The following RBFOX1 variants were observed in gnomAD, a reference collection of about 807,000 sequenced individuals.
The protein encoded by RBFOX1 is RNA binding protein fox-1 homolog 1.
In RBFOX1, 8 loss-of-function variants were observed where a neutral mutation model predicts 57.7. The observed-to-expected ratio is 0.14, with a 90% confidence interval of 0.08 to 0.25. The LOEUF (loss-of-function observed/expected upper bound fraction) is 0.25. Ranked by LOEUF, RBFOX1 falls within the 10% of genes least tolerant of loss-of-function variation. The pLI is 1.00. For synonymous variants in RBFOX1, 326 were observed against 222.4 expected (o/e 1.47, Z -4.15); for missense variants, 611 against 548.5 (o/e 1.11, Z -1.14).
At chr16:6,687,752 T>C (rs774605625) in intron 3 of RBFOX1, among the ~76,000 whole-genome samples, 2 of 152,162 alleles carry the variant, frequency 1.3e-5, no homozygotes, top group African/African-American at 4.8e-5. Context: ...AGCTACTCTG[T>C]TATAGGTCAG....
chr16:5,240,784 C>T (rs1212608079), intron 1 of RBFOX1, among the ~76,000 whole-genome samples: 1 of 152,126 alleles, frequency 6.6e-6, no homozygotes, highest in Non-Finnish European at 1.5e-5. Context: ...GTGACCGGGC[C>T]CGTGTGCGTG....
chr16:7,670,677 CA>C (rs1473658999), intron 13 of RBFOX1, among the ~76,000 whole-genome samples: 1 of 152,074 alleles, frequency 6.6e-6, no homozygotes, highest in Non-Finnish European at 1.5e-5. Context: ...CATAAGGAAG[CA>C]AATTTAAACT....
At chr16:6,459,914 G>A (rs1414435052) in intron 2 of RBFOX1, among the ~76,000 whole-genome samples, 1 of 137,312 alleles carries the variant, frequency 7.3e-6, no homozygotes, top group Non-Finnish European at 1.5e-5. Flanking sequence ...AACCTGAGAG[G>A]CGGAGGTTGT....
intron 4 of RBFOX1, among the ~76,000 whole-genome samples, chr16:7,332,433 C>G (rs1215687838): frequency 1.3e-5 from 2 of 152,206 alleles, no homozygotes; most frequent in East Asian, 1.9e-4. Context: ...GGGAGGAAAA[C>G]TAGACTGAAT....
chr16:6,607,976 T>C (rs1053574910), intron 2 of RBFOX1, among the ~76,000 whole-genome samples: 2 of 152,204 alleles, frequency 1.3e-5, no homozygotes, highest in Non-Finnish European at 2.9e-5. Flanking sequence ...ACCTTAACTC[T>C]GACCCTTTAC....
intron 1 of RBFOX1, among the ~76,000 whole-genome samples, chr16:5,394,462 C>G (rs1015138741): frequency 6.6e-6 from 1 of 152,022 alleles, no homozygotes; most frequent in Non-Finnish European, 1.5e-5. Context: ...TCATCTGGCT[C>G]TTCGCTTTTG....
intron 4 of RBFOX1, among the ~76,000 whole-genome samples, chr16:7,427,615 TTTC>T (rs1568845175): frequency 6.6e-6 from 1 of 151,884 alleles, no homozygotes; most frequent in Non-Finnish European, 1.5e-5. Context: ...TTCTTTTCTT[TTTC>T]TTCTTCTTTT....
intron 2 of RBFOX1, among the ~76,000 whole-genome samples, chr16:6,488,554 AC>A (rs1598056627): frequency 1.3e-5 from 2 of 152,148 alleles, no homozygotes; most frequent in African/African-American, 4.8e-5. Flanking sequence ...AATTTTCAAG[AC>A]TTTTTATAAT....
intron 5 of RBFOX1, among the ~76,000 whole-genome samples, chr16:7,531,347 C>T (rs1299954364): frequency 6.6e-6 from 1 of 152,130 alleles, no homozygotes; most frequent in Non-Finnish European, 1.5e-5. Context: ...ATTTAGTGAG[C>T]TCATACTGGG....
chr16:5,414,898 A>G (rs1228314052), intron 1 of RBFOX1, among the ~76,000 whole-genome samples: 1 of 152,208 alleles, frequency 6.6e-6, no homozygotes, highest in Non-Finnish European at 1.5e-5. Flanking sequence ...GCTTCATCCA[A>G]TAAATATGGG....
At position 6,805,435 on chromosome 16, in the gene RBFOX1, G is replaced by A. The variant is rs140254313; in HGVS notation, c.-16+150785G>A. Among the ~76,000 whole-genome samples, 71 of 152,104 alleles carry A rather than the reference G, an allele frequency of 4.7e-4. 1 individual carries two copies. Among genetic ancestry groups the A allele is most frequent in the African/African-American group, 1.5e-3 (64 of 41,506 alleles). On this transcript the variant is annotated intron_variant, in intron 3 of 15. Coordinates refer to ENST00000550418, the MANE Select transcript of RBFOX1 (RefSeq NM_018723.4). Reference sequence around the variant, plus strand: ...GAGAAGAGCAGAAAAAAATAACTTGGGTACTTGGCTTAGTACCTGGGTGGT... The same window carrying A: ...GAGAAGAGCAGAAAAAAATAACTTGAGTACTTGGCTTAGTACCTGGGTGGT...
intron 4 of RBFOX1, among the ~76,000 whole-genome samples, chr16:7,302,993 C>CGACG (rs1356159299): frequency 1.3e-5 from 2 of 152,164 alleles, no homozygotes; most frequent in African/African-American, 2.4e-5. Flanking sequence ...TCCCTGCAGC[C>CGACG]GACGGAGTAA....
At chr16:7,304,381 G>C (rs933200347) in intron 4 of RBFOX1, 1 of 985,252 alleles carries the variant, frequency 1.0e-6, no homozygotes, top group East Asian at 1.1e-4. Context: ...GCGCCAGAGA[G>C]ACATGATGCA....
chr16:5,845,744 A>T (rs914558844), intron 3 of RBFOX1, among the ~76,000 whole-genome samples: 9 of 152,228 alleles, frequency 5.9e-5, no homozygotes, highest in Non-Finnish European at 8.8e-5. Context: ...CAGTGGCCAC[A>T]CGTGGCTAGT....
At chr16:7,236,621 A>C (rs368544547) in intron 4 of RBFOX1, among the ~76,000 whole-genome samples, 1 of 152,322 alleles carries the variant, frequency 6.6e-6, no homozygotes, top group East Asian at 1.9e-4. Context: ...ATTGTAGTCA[A>C]CTTCCCAAAT....
intron 1 of RBFOX1, among the ~76,000 whole-genome samples, chr16:6,155,830 C>G (rs1208066271): frequency 1.3e-5 from 2 of 152,064 alleles, no homozygotes; most frequent in African/African-American, 4.8e-5. Context: ...TAAAAGAACA[C>G]ACTTTATTTT....
chr16:5,517,930 C>CTGTGTGTG (rs71404527), intron 2 of RBFOX1, among the ~76,000 whole-genome samples: 1,674 of 144,154 alleles, frequency 0.012, 9 homozygotes, highest in Middle Eastern at 0.014. Context: ...GCAAAAGCTA[C>CTGTGTGTG]TGTGTGTGTG....
intron 4 of RBFOX1, among the ~76,000 whole-genome samples, chr16:7,466,551 A>G (rs1324803376): frequency 6.6e-6 from 1 of 152,122 alleles, no homozygotes; most frequent in African/African-American, 2.4e-5. Flanking sequence ...CCTTCATCTG[A>G]GCCTCCCCAG....
intron 3 of RBFOX1, among the ~76,000 whole-genome samples, chr16:6,787,238 T>C (rs552026213): frequency 1.3e-5 from 2 of 152,268 alleles, no homozygotes; most frequent in South Asian, 4.2e-4. Context: ...CAGCATTCTC[T>C]ATGCAGTTCC....
Sources: gnomAD v4.1 joint callset for allele counts (sites outside exome capture counted in the v4.1 genomes callset) on GRCh38, gnomAD v4.1.1 for gene constraint, MANE v1.5 for transcripts, NCBI Gene and HGNC (gene_info 2026-07-23, HGNC 2026-07-21) for gene names.